The following CELF2 variants were observed in gnomAD, a reference collection of about 807,000 sequenced individuals.
CELF2 encodes the protein CUG triplet repeat RNA-binding protein 2.
Under a neutral mutation model 62.6 loss-of-function variants are expected in CELF2, and 8 were observed. The observed-to-expected ratio is 0.13, with a 90% CI of 0.07 to 0.23. CELF2 has a LOEUF of 0.23. CELF2 is among the 10% of genes least tolerant of loss of function. CELF2 has a pLI of 1.00. For synonymous variants in CELF2, 258 were observed against 250.0 expected, an observed-to-expected ratio of 1.03 and a Z score of -0.30; for missense variants, 333 against 671.0, an observed-to-expected ratio of 0.50 and a Z score of 5.56.
At chr10:10,628,266 T>A in the CELF2 span, among the ~76,000 whole-genome samples, 1 of 135,714 alleles carries the variant, frequency 7.4e-6, no homozygotes, top group African/African-American at 2.4e-5. Context: ...GTCAAAAAAA[T>A]GTTATCAGTA....
At chr10:10,467,794 T>C in the CELF2 span, among the ~76,000 whole-genome samples, 1 of 152,020 alleles carries the variant, frequency 6.6e-6, no homozygotes, top group Non-Finnish European at 1.5e-5. Flanking sequence ...TTCACTATTG[T>C]TGTGAAATTT....
At chr10:10,571,637 A>T in the CELF2 span, among the ~76,000 whole-genome samples, 740 of 152,240 alleles carry the variant, frequency 4.9e-3, 9 homozygotes, top group African/African-American at 0.017. Context: ...TGCAAAAATG[A>T]CTGGGAGGGT....
the CELF2 span, among the ~76,000 whole-genome samples, chr10:10,750,100 G>GAA: frequency 6.6e-6 from 1 of 152,176 alleles, no homozygotes; most frequent in Non-Finnish European, 1.5e-5. Context: ...TGGCCAACAT[G>GAA]GTGAAACCTC....
At chr10:10,903,587 G>A (rs2063105803) in intron 1 of CELF2, among the ~76,000 whole-genome samples, 1 of 152,188 alleles carries the variant, frequency 6.6e-6, no homozygotes, top group Admixed American at 6.5e-5. Context: ...TGTAAAAATT[G>A]ACTCCGTACA....
chr10:11,140,290 C>T (rs554866206), intron 1 of CELF2, among the ~76,000 whole-genome samples: 3 of 152,112 alleles, frequency 2.0e-5, no homozygotes, highest in Non-Finnish European at 4.4e-5. Flanking sequence ...CGCCCATGTT[C>T]GGTGCAGTAG....
At chr10:10,774,980 G>A in the CELF2 span, among the ~76,000 whole-genome samples, 2 of 151,910 alleles carry the variant, frequency 1.3e-5, no homozygotes, top group Non-Finnish European at 2.9e-5. Context: ...CCAGGTTCAA[G>A]CAATTCTCCT....
chr10:11,055,731 T>G lies in CELF2; in HGVS notation c.74+37568T>G, dbSNP rs75107416. On this transcript the variant is annotated intron_variant, in intron 1 of 12. Transcript: ENST00000633077. ...GCGTCTGGAAGGCACGGCAGACTAT[T>G]CTGTAGGCCCAGTGCAAGTGCTGTG... 7.4e-3 allele frequency among the ~76,000 whole-genome samples: 1,126 copies of G among 152,346 alleles called. 9 individuals carry two copies. The highest frequency in any genetic ancestry group is 0.025 in the African/African-American group (1,026 of 41,576).
At position 11,269,991 on chromosome 10, in the gene CELF2, G is replaced by C. The variant is rs1480220400; in HGVS notation, c.619-675G>C. Among the ~76,000 whole-genome samples the C allele has an allele frequency of 6.6e-6, 1 of 152,196 alleles. No individual in the cohort carries two copies. The highest frequency in any genetic ancestry group is 1.5e-5 in the Non-Finnish European group (1 of 68,036). Reference sequence around the variant, plus strand: ...GCTTCTGTTTTTTGGGTTTGCACCAGCTCCAGGGATGGCGGGTAGCACAGG... The same window carrying C: ...GCTTCTGTTTTTTGGGTTTGCACCACCTCCAGGGATGGCGGGTAGCACAGG... On this transcript the variant is annotated intron_variant, in intron 6 of 12. Transcript: ENST00000633077. The surrounding 1 kb of genome is among the most constrained non-coding windows in gnomAD (Gnocchi z 4.4).
the CELF2 span, among the ~76,000 whole-genome samples, chr10:10,775,327 C>A: frequency 6.6e-6 from 1 of 152,110 alleles, no homozygotes; most frequent in East Asian, 1.9e-4. Context: ...TGGGATGGTA[C>A]AGAGAGAAAG....
intron 3 of CELF2, among the ~76,000 whole-genome samples, chr10:11,225,847 T>G (rs2066348279): frequency 2.0e-5 from 3 of 152,200 alleles, no homozygotes; most frequent in Admixed American, 2.0e-4. Flanking sequence ...TATAGAGTTG[T>G]TTATTTGTTA....
chr10:10,909,245 A>G (rs2063600853), intron 1 of CELF2, among the ~76,000 whole-genome samples: 1 of 152,134 alleles, frequency 6.6e-6, no homozygotes, highest in Admixed American at 6.5e-5. Flanking sequence ...CCTAAAAGGG[A>G]GCAAATCTGT....
At chr10:11,112,893 C>A (rs2055571773) in intron 1 of CELF2, among the ~76,000 whole-genome samples, 1 of 151,968 alleles carries the variant, frequency 6.6e-6, no homozygotes, top group African/African-American at 2.4e-5. Context: ...ATTGCATTTC[C>A]ACATGCGTAG....
chr10:11,176,819 C>T (rs536362213), intron 2 of CELF2, among the ~76,000 whole-genome samples: 9 of 152,268 alleles, frequency 5.9e-5, no homozygotes, highest in African/African-American at 1.9e-4. Context: ...CAATGTTTAT[C>T]CCAGTTCCTT....
intron 1 of CELF2, among the ~76,000 whole-genome samples, chr10:11,128,577 T>C (rs1206136426): frequency 2.0e-5 from 3 of 152,230 alleles, no homozygotes; most frequent in Non-Finnish European, 1.5e-5. Flanking sequence ...TAGTTCTCCT[T>C]GAAGAGGTCC....
chr10:10,672,856 T>A, the CELF2 span, among the ~76,000 whole-genome samples: 7 of 152,178 alleles, frequency 4.6e-5, no homozygotes, highest in Non-Finnish European at 5.9e-5. Flanking sequence ...TTTCATTGTG[T>A]TTGCATTGAA....
At chr10:10,731,843 A>C in the CELF2 span, among the ~76,000 whole-genome samples, 1 of 152,148 alleles carries the variant, frequency 6.6e-6, no homozygotes, top group Non-Finnish European at 1.5e-5. Flanking sequence ...TAACTTCCAG[A>C]CTGTGGAAAA....
intron 1 of CELF2, among the ~76,000 whole-genome samples, chr10:11,121,809 C>T (rs932988313): frequency 1.3e-5 from 2 of 151,930 alleles, no homozygotes; most frequent in Non-Finnish European, 2.9e-5. Context: ...AACTGTCTTT[C>T]CGGAGGTCTT....
intron 1 of CELF2, among the ~76,000 whole-genome samples, chr10:10,864,366 T>C (rs961970093): frequency 6.6e-6 from 1 of 152,172 alleles, no homozygotes; most frequent in Non-Finnish European, 1.5e-5. Flanking sequence ...ATCTTCAGTA[T>C]ATTTATTTGC....
the CELF2 span, among the ~76,000 whole-genome samples, chr10:10,508,035 AG>A: frequency 1.5e-4 from 23 of 152,312 alleles, no homozygotes; most frequent in African/African-American, 5.3e-4. Flanking sequence ...AAGGTACCAG[AG>A]GAAAGAGCCT....
Sources: gnomAD v4.1 joint callset for allele counts (sites outside exome capture counted in the v4.1 genomes callset) on GRCh38, gnomAD v4.1.1 for gene constraint, Gnocchi (gnomAD v3.1) non-coding constraint, MANE v1.5 for transcripts, NCBI Gene and HGNC (gene_info 2026-07-23, HGNC 2026-07-21) for gene names.